The following TMCO4 variants were observed in gnomAD, a reference collection of about 807,000 sequenced individuals.
TMCO4 encodes transmembrane and coiled-coil domain-containing protein 4.
A neutral mutation model predicts 64.7 loss-of-function variants in TMCO4; 58 were observed. That is an observed-to-expected ratio of 0.90 (90% CI 0.73 to 1.12). TMCO4 has a LOEUF of 1.12. TMCO4 is among the 50% of genes most tolerant of loss of function. TMCO4 has a pLI of 0.00. For missense variants in TMCO4, 780 were observed against 825.9 expected (o/e 0.94, Z 0.68); for synonymous variants, 325 against 346.1 (o/e 0.94, Z 0.68).
Position 19,781,380 on chromosome 1 carries a change from T to C in TMCO4, c.-8-614A>G, listed in dbSNP as rs538861886. 1.9e-4 allele frequency among the ~76,000 whole-genome samples: 29 copies of C among 151,712 alleles called. No homozygotes were observed. In the South Asian group the frequency reaches 3.7e-3, roughly 20 times the overall value. ...TACTTAGGAAGCTAAGGTGAGAGGA[T>C]TGCTTAAGCCTAGGAGTTTAAGGCT... is the stretch of plus-strand genomic sequence containing the variant. On this transcript the variant is annotated intron_variant, in intron 3 of 15. Transcript: ENST00000294543.
rs573132003 is a variant in TMCO4 at position 19,781,071 on chromosome 1, T to C, written c.-8-305A>G. Among the ~76,000 whole-genome samples, 206 of 130,242 alleles carry C rather than the reference T, an allele frequency of 1.6e-3. 1 individual carries two copies. Among genetic ancestry groups the C allele is most frequent in the African/African-American group, 5.8e-3 (196 of 33,562 alleles). The allele number at this position is 130,242 out of a possible 152,430, so 85.4% of individuals were successfully genotyped here. Reference sequence around the variant, plus strand: ...GCAAAAGACTTGAATAGATACTTCATAAAAGAGATTCCACAGTGAGCCGAG... The same window carrying C: ...GCAAAAGACTTGAATAGATACTTCACAAAAGAGATTCCACAGTGAGCCGAG... On this transcript the variant is annotated intron_variant, in intron 3 of 15. Coordinates refer to ENST00000294543, the MANE Select transcript of TMCO4 (RefSeq NM_181719.7).
chr1:19,683,404 A>C lies in TMCO4; in HGVS notation c.1541T>G (p.Ile514Ser), dbSNP rs771136172. The C allele has an allele frequency of 3.7e-6, 6 of 1,613,332 alleles. No individual in the cohort carries two copies. In the African/African-American group the frequency reaches 8.0e-5, roughly 22 times the overall value. Reference protein sequence around the residue: ...HLDYAKQMDAILKAVGIRTKP... With the variant: ...HLDYAKQMDASLKAVGIRTKP... ...GGTGCGGATGCCCACGGCCTTCAGG[A>C]TGGCATCCATCTGCTTGGCATAGTC... is the stretch of plus-strand genomic sequence containing the variant. Residue 514 changes from isoleucine to serine, a missense_variant, in exon 16 of 16, where the codon ATC (isoleucine) becomes AGC (serine). Ile to Ser is a moderately radical substitution (Grantham distance 142). Transcript: ENST00000294543.
At chr1:19,758,127 T>C (rs2042345948) in intron 6 of TMCO4, among the ~76,000 whole-genome samples, 1 of 152,208 alleles carries the variant, frequency 6.6e-6, no homozygotes, top group Non-Finnish European at 1.5e-5. Context: ...CCATTTACCA[T>C]GACACAGTCC....
chr1:19,739,973 G>A lies in TMCO4; in HGVS notation c.1043-13C>T, dbSNP rs531595830. On this transcript the variant is annotated splice_polypyrimidine_tract_variant and intron_variant, in intron 11 of 15. Transcript: ENST00000294543. ...GCAGCCACAATGCCTGGGGAGGTGA[G>A]ATAGTGATGAAGGGAATGGCCCCTG... 1.9e-5 allele frequency: 30 copies of A among 1,609,976 alleles called. No homozygotes were observed. In the Admixed American group the frequency reaches 3.4e-4, roughly 18 times the overall value.
intron 10 of TMCO4, among the ~76,000 whole-genome samples, chr1:19,744,492 A>T (rs2041674590): frequency 6.6e-6 from 1 of 152,168 alleles, no homozygotes; most frequent in African/African-American, 2.4e-5. Context: ...TCATGTAGCC[A>T]ACACATACTG....
chr1:19,685,710 C>CTTTTTTTTTTTTTTTT (rs55783904), intron 15 of TMCO4, among the ~76,000 whole-genome samples: 1 of 106,616 alleles, frequency 9.4e-6, no homozygotes, highest in African/African-American at 3.2e-5. Flanking sequence ...AGGCCTGTTT[C>CTTTTTTTTTTTTTTTT]TTTTTTTTTT....
intron 13 of TMCO4, among the ~76,000 whole-genome samples, chr1:19,725,243 C>G (rs1360683143): frequency 6.6e-6 from 1 of 152,208 alleles, no homozygotes; most frequent in Non-Finnish European, 1.5e-5. Flanking sequence ...TGCAGGCAGG[C>G]TGGCTCAGCT....
intron 3 of TMCO4, among the ~76,000 whole-genome samples, chr1:19,781,888 C>T (rs558797965): frequency 3.9e-5 from 6 of 152,174 alleles, no homozygotes; most frequent in East Asian, 3.8e-4. Flanking sequence ...CCTCGTGATC[C>T]GCCCGCCTTG....
chr1:19,737,035 C>T (rs539172186), intron 13 of TMCO4, among the ~76,000 whole-genome samples: 90 of 152,258 alleles, frequency 5.9e-4, no homozygotes, highest in African/African-American at 2.2e-3. Flanking sequence ...AAAAATCCTC[C>T]ACTAGAGCCT....
intron 13 of TMCO4, among the ~76,000 whole-genome samples, chr1:19,716,381 C>CTTTTTTTTTTTTTTTTTTTTT (rs1262772167): frequency 8.0e-6 from 1 of 124,474 alleles, no homozygotes; most frequent in Non-Finnish European, 1.7e-5. Context: ...TTTTTTCTTT[C>CTTTTTTTTTTTTTTTTTTTTT]TTTTTTTTTT....
Position 19,732,507 on chromosome 1 carries a change from C to T in TMCO4, c.1264+4865G>A, listed in dbSNP as rs574674474. Among the ~76,000 whole-genome samples the T allele has an allele frequency of 3.3e-5, 5 of 152,122 alleles. No individual in the cohort carries two copies. Among genetic ancestry groups the T allele is most frequent in the South Asian group, 2.1e-4 (1 of 4,810 alleles). On this transcript the variant is annotated intron_variant, in intron 13 of 15. Coordinates refer to ENST00000294543, the MANE Select transcript of TMCO4 (RefSeq NM_181719.7). The surrounding 1 kb of genome is among the most constrained non-coding windows in gnomAD (Gnocchi z 4.8). ...CAAAGTCAAGGCACAGGATGACCAGCGTCCTTTCTCACCTCCTCTCTAGAT... is the reference window on the plus strand; with the variant it reads ...CAAAGTCAAGGCACAGGATGACCAGTGTCCTTTCTCACCTCCTCTCTAGAT...
chr1:19,789,589 GC>G (rs2043924645), intron 2 of TMCO4, among the ~76,000 whole-genome samples: 2 of 152,068 alleles, frequency 1.3e-5, no homozygotes, highest in South Asian at 4.2e-4. Flanking sequence ...GCTTATTGGT[GC>G]TTTTATAATG....
chr1:19,767,858 G>A (rs368600200), intron 6 of TMCO4, among the ~76,000 whole-genome samples: 15 of 152,072 alleles, frequency 9.9e-5, no homozygotes, highest in African/African-American at 2.4e-4. Context: ...TTGGGAGGCC[G>A]AGGTGGGTGG....
chr1:19,691,258 C>T (rs2095192636), intron 15 of TMCO4, among the ~76,000 whole-genome samples: 1 of 152,130 alleles, frequency 6.6e-6, no homozygotes, highest in South Asian at 2.1e-4. Flanking sequence ...CCAAAGCTCC[C>T]AGTTAGGAAG....
chr1:19,794,582 G>A (rs1035855293), intron 2 of TMCO4, among the ~76,000 whole-genome samples: 2 of 152,204 alleles, frequency 1.3e-5, no homozygotes, highest in African/African-American at 2.4e-5. Context: ...TGAAACACAG[G>A]GGGGACCCCT....
intron 5 of TMCO4, 118 bp from the exon 6 acceptor site, chr1:19,770,687 T>A: frequency 1.0e-6 from 1 of 994,490 alleles, no homozygotes; most frequent in Non-Finnish European, 1.5e-6. Context: ...GCCACTGCCC[T>A]AGATTCTAGA....
chr1:19,715,165 T>C (rs2095349830), intron 13 of TMCO4, among the ~76,000 whole-genome samples: 1 of 151,866 alleles, frequency 6.6e-6, no homozygotes, highest in Non-Finnish European at 1.5e-5. Flanking sequence ...CCGGAGGGGG[T>C]CGAGGCTGCG....
chr1:19,753,687 G>A (rs1230896762), intron 7 of TMCO4, among the ~76,000 whole-genome samples: 1 of 152,098 alleles, frequency 6.6e-6, no homozygotes. Flanking sequence ...GGAAAGACAC[G>A]TGCCCAAGGC....
At chr1:19,740,709 A>G (rs2100844691) in intron 11 of TMCO4, 68 bp downstream of exon 11, 1 of 1,524,674 alleles carries the variant, frequency 6.6e-7, no homozygotes, top group East Asian at 2.3e-5. Flanking sequence ...ATGCAAAACT[A>G]TGGTACCACT....
Sources: gnomAD v4.1 joint callset for allele counts (sites outside exome capture counted in the v4.1 genomes callset) on GRCh38, gnomAD v4.1.1 for gene constraint, Gnocchi (gnomAD v3.1) non-coding constraint, MANE v1.5 for transcripts, NCBI Gene and HGNC (gene_info 2026-07-23, HGNC 2026-07-21) for gene names.